The following AKT3 variants were observed in gnomAD, a reference collection of about 807,000 sequenced individuals.
The protein encoded by AKT3 is AKT serine/threonine kinase 3, also known as RAC-gamma serine/threonine-protein kinase.
In AKT3, 15 loss-of-function variants were observed where a neutral mutation model predicts 65.3. That is an observed-to-expected ratio of 0.23 (90% CI 0.15 to 0.35). The LOEUF is 0.35. Ranked by LOEUF, AKT3 falls within the 10% of genes least tolerant of loss-of-function variation. The probability of loss-of-function intolerance (pLI) is 1.00; values close to 1 mark genes in which losing one functional copy is unlikely to be tolerated. For missense variants in AKT3, 243 were observed against 576.5 expected, an observed-to-expected ratio of 0.42 and a Z score of 5.92; for synonymous variants, 206 against 183.8, an observed-to-expected ratio of 1.12 and a Z score of -0.98.
chr1:243,706,001 T>C (rs1480945315), intron 2 of AKT3, among the ~76,000 whole-genome samples: 1 of 152,192 alleles, frequency 6.6e-6, no homozygotes, highest in Non-Finnish European at 1.5e-5. Flanking sequence ...TATAATTTCA[T>C]CAGAAACTTT....
At chr1:243,686,649 ATATTTTTTTTTTTTT>A (rs1684335059) in intron 3 of AKT3, among the ~76,000 whole-genome samples, 2 of 22,496 alleles carry the variant, frequency 8.9e-5, no homozygotes, top group African/African-American at 1.4e-4. Flanking sequence ...ATATATATAT[ATATTTTTTTTTTTTT>A]TTTTTTTTTT....
chr1:243,505,967 A>G (rs137944665), intron 13 of AKT3, among the ~76,000 whole-genome samples: 299 of 152,372 alleles, frequency 2.0e-3, no homozygotes, highest in African/African-American at 7.0e-3. Context: ...GCATCAAAAC[A>G]GGCCGCTGAC....
At chr1:243,704,005 C>T (rs1645081004) in intron 2 of AKT3, among the ~76,000 whole-genome samples, 1 of 152,080 alleles carries the variant, frequency 6.6e-6, no homozygotes, top group Non-Finnish European at 1.5e-5. Flanking sequence ...CATGTTCTTT[C>T]CTTGCCCTCA....
At chr1:243,799,222 A>G (rs1026526271) in intron 2 of AKT3, among the ~76,000 whole-genome samples, 2 of 152,194 alleles carry the variant, frequency 1.3e-5, no homozygotes, top group Admixed American at 6.5e-5. Context: ...ATGGGTGGGG[A>G]AAAATGCAGG....
chr1:243,758,010 G>T (rs1187777984), intron 2 of AKT3, among the ~76,000 whole-genome samples: 1 of 152,112 alleles, frequency 6.6e-6, no homozygotes, highest in Non-Finnish European at 1.5e-5. Flanking sequence ...TGATCCACCC[G>T]CCTCGGCCTC....
At chr1:243,662,824 C>T (rs1682473562) in intron 4 of AKT3, among the ~76,000 whole-genome samples, 1 of 152,076 alleles carries the variant, frequency 6.6e-6, no homozygotes, top group Non-Finnish European at 1.5e-5. Flanking sequence ...TATGAGTATG[C>T]TGTTTTTCAT....
intron 2 of AKT3, among the ~76,000 whole-genome samples, chr1:243,764,078 A>C (rs1158514115): frequency 6.6e-6 from 1 of 152,144 alleles, no homozygotes; most frequent in Admixed American, 6.6e-5. Context: ...CTTATACAAC[A>C]GATTACAATC....
At chr1:243,849,758 C>G (rs1336797364) in intron 1 of AKT3, among the ~76,000 whole-genome samples, 1 of 151,698 alleles carries the variant, frequency 6.6e-6, no homozygotes, top group Non-Finnish European at 1.5e-5. Flanking sequence ...CCTCCCCCGG[C>G]CCGCTGCGCA....
chr1:243,604,585 G>T (rs1432739430), intron 8 of AKT3, among the ~76,000 whole-genome samples: 1 of 152,112 alleles, frequency 6.6e-6, no homozygotes. Flanking sequence ...TTATTCTTAC[G>T]TCTTAGCCTA....
intron 4 of AKT3, among the ~76,000 whole-genome samples, chr1:243,652,652 A>G (rs12722863): frequency 6.6e-6 from 1 of 151,434 alleles, no homozygotes; most frequent in South Asian, 2.1e-4. Context: ...AGACTGGCAA[A>G]TTGGATAAAG....
intron 12 of AKT3, among the ~76,000 whole-genome samples, chr1:243,531,594 G>GT (rs1297111915): frequency 1.3e-5 from 2 of 151,858 alleles, no homozygotes; most frequent in Non-Finnish European, 2.9e-5. Context: ...TTCTGTGTTT[G>GT]TTTTTTGAGA....
intron 8 of AKT3, among the ~76,000 whole-genome samples, chr1:243,613,330 TGAAAA>T (rs1327858935): frequency 6.6e-6 from 1 of 151,758 alleles, no homozygotes; most frequent in Non-Finnish European, 1.5e-5. Context: ...ACAGCCTACT[TGAAAA>T]GAAACTTTGT....
intron 2 of AKT3, among the ~76,000 whole-genome samples, chr1:243,696,065 C>A (rs1376692970): frequency 6.6e-6 from 1 of 151,552 alleles, no homozygotes; most frequent in East Asian, 1.9e-4. Flanking sequence ...AAATCATCCA[C>A]ACAGTATCAA....
intron 2 of AKT3, among the ~76,000 whole-genome samples, chr1:243,727,987 A>G (rs1183946157): frequency 6.6e-6 from 1 of 152,240 alleles, no homozygotes; most frequent in Non-Finnish European, 1.5e-5. Context: ...AAGAGCTTGA[A>G]GTAGTATGTT....
intron 12 of AKT3, among the ~76,000 whole-genome samples, chr1:243,516,215 TTTC>T (rs1266449230): frequency 1.3e-5 from 2 of 152,250 alleles, no homozygotes; most frequent in Non-Finnish European, 2.9e-5. Context: ...ATGACATCTA[TTTC>T]TTCTTGGTAA....
At chr1:243,495,238 T>G (rs1028546647), downstream of AKT3, among the ~76,000 whole-genome samples, 1 of 152,220 alleles carries the variant, frequency 6.6e-6, no homozygotes, top group African/African-American at 2.4e-5. Context: ...CTCCCTGGCC[T>G]GTGCGGGGCC....
At chr1:243,643,888 A>G (rs1680619180) in intron 5 of AKT3, among the ~76,000 whole-genome samples, 1 of 152,256 alleles carries the variant, frequency 6.6e-6, no homozygotes, top group Non-Finnish European at 1.5e-5. Context: ...TTTGCATGAT[A>G]ATTGATATAC....
intron 9 of AKT3, among the ~76,000 whole-genome samples, chr1:243,567,199 T>C (rs1674221775): frequency 6.6e-6 from 1 of 152,184 alleles, no homozygotes; most frequent in South Asian, 2.1e-4. Flanking sequence ...GAGAGTTACT[T>C]GAGCCCGAGG....
At chr1:243,686,670 T>A (rs1474269651) in intron 3 of AKT3, among the ~76,000 whole-genome samples, 1 of 84,068 alleles carries the variant, frequency 1.2e-5, no homozygotes, top group African/African-American at 4.2e-5. Context: ...TTTTTTTTTT[T>A]TTTTTTTTTT....
Sources: gnomAD v4.1 joint callset for allele counts (sites outside exome capture counted in the v4.1 genomes callset) on GRCh38, gnomAD v4.1.1 for gene constraint, MANE v1.5 for transcripts, NCBI Gene and HGNC (gene_info 2026-07-23, HGNC 2026-07-21) for gene names.